The following PAH variants were observed in gnomAD, a reference collection of about 807,000 sequenced individuals.
PAH encodes the protein phenylalanine hydroxylase.
A neutral mutation model predicts 62.0 loss-of-function variants in PAH; 64 were observed. The ratio of observed to expected loss-of-function variants is 1.03; its 90% CI spans 0.84 to 1.27. PAH has a LOEUF of 1.27. Among genes scored for constraint, PAH ranks in the 50% most tolerant of loss-of-function variants. The pLI is 0.00. For missense variants in PAH, 579 were observed against 542.8 expected (o/e 1.07, Z -0.66); for synonymous variants, 195 against 196.2 (o/e 0.99, Z 0.05).
chr12:102,857,470 G>C (rs1875491244), intron 5 of PAH, among the ~76,000 whole-genome samples: 1 of 152,158 alleles, frequency 6.6e-6, no homozygotes, highest in Non-Finnish European at 1.5e-5. Context: ...GAAATACAGA[G>C]AATGCCACAA....
At chr12:102,927,657 C>CA (rs896566939) in intron 1 of PAH, among the ~76,000 whole-genome samples, 16 of 149,434 alleles carry the variant, frequency 1.1e-4, no homozygotes, top group Admixed American at 6.7e-4. Flanking sequence ...GCTGCAGCCA[C>CA]AAAAAAAAAT....
At chr12:102,873,783 G>A (rs2136674770) in intron 4 of PAH, among the ~76,000 whole-genome samples, 1 of 152,310 alleles carries the variant, frequency 6.6e-6, no homozygotes, top group South Asian at 2.1e-4. Flanking sequence ...CCGTGGGTAA[G>A]TAAGTTTTAG....
chr12:102,948,296 G>A (rs1879585485), intron 1 of PAH, among the ~76,000 whole-genome samples: 1 of 152,118 alleles, frequency 6.6e-6, no homozygotes, highest in Non-Finnish European at 1.5e-5. Flanking sequence ...AGAGAGGTAG[G>A]GCAGAAGTGA....
chr12:102,931,099 A>G (rs1346674713), intron 1 of PAH, among the ~76,000 whole-genome samples: 1 of 152,172 alleles, frequency 6.6e-6, no homozygotes, highest in East Asian at 1.9e-4. Flanking sequence ...AATATTATAT[A>G]ATTTACCTGG....
At chr12:102,843,878 C>T (rs1399218605) in intron 10 of PAH, 99 bp from the exon 11 acceptor site, 4 of 1,321,326 alleles carry the variant, frequency 3.0e-6, no homozygotes, top group Non-Finnish European at 4.3e-6. Context: ...CTCATCTCAC[C>T]CCGATTCCTT....
intron 4 of PAH, among the ~76,000 whole-genome samples, chr12:102,868,289 G>A (rs1302036078): frequency 1.3e-5 from 2 of 149,886 alleles, no homozygotes; most frequent in Non-Finnish European, 3.0e-5. Context: ...ATTGATTCTG[G>A]CACACAGGAA....
chr12:102,912,741 T>C (rs1878248091), intron 2 of PAH, 50 bp downstream of exon 2: 2 of 1,263,582 alleles, frequency 1.6e-6, no homozygotes. Context: ...GAAAAGAACA[T>C]GGAAGTTTGC....
At chr12:102,951,497 G>A (rs1001844421), upstream of PAH, among the ~76,000 whole-genome samples, 1 of 152,204 alleles carries the variant, frequency 6.6e-6, no homozygotes, top group Admixed American at 6.5e-5. Flanking sequence ...TTGGAGCCAA[G>A]AGGAACAGAC....
chr12:102,866,463 A>G, intron 5 of PAH, 133 bp downstream of exon 5: 1 of 761,518 alleles, frequency 1.3e-6, no homozygotes, highest in Admixed American at 1.9e-5. Flanking sequence ...ACGCATGCAC[A>G]TGAACACATG....
chr12:102,875,298 C>T (rs1050584194), intron 4 of PAH, among the ~76,000 whole-genome samples: 3 of 152,122 alleles, frequency 2.0e-5, no homozygotes, highest in Non-Finnish European at 4.4e-5. Flanking sequence ...TTGGAGGGGA[C>T]TTGAGGATAC....
rs989506392 is a variant in PAH, at chr12:102,894,899, G to A, written c.188C>T (p.Thr63Ile). 1.9e-6 allele frequency: 3 copies of A among 1,613,534 alleles called. No homozygotes were observed. Among genetic ancestry groups the A allele is most frequent in the Non-Finnish European group, 1.7e-6 (2 of 1,179,710 alleles). The change falls in exon 3 of 13, where the codon ACC (threonine) becomes ATC (isoleucine). Residue 63 changes from threonine (T) to isoleucine (I), a missense_variant. Transcript: ENST00000553106. ...RLFEENDVNL[T>I]HIESRPSRLK... ...ACGAGAAGGTCTAGATTCAATGTGG[G>A]TCAGGTTTACATCATTCTCCTAGAA...
chr12:102,893,712 C>T (rs1877374997), intron 3 of PAH, among the ~76,000 whole-genome samples: 1 of 152,218 alleles, frequency 6.6e-6, no homozygotes, highest in Non-Finnish European at 1.5e-5. Context: ...ACTTGAACCA[C>T]AGTCTATTCA....
chr12:102,843,744 C>T lies in PAH; in HGVS notation c.1101G>A (p.Leu367=), dbSNP rs62508648. Residue 367 remains leucine, a synonymous_variant, in exon 11 of 13, where the codon CTG becomes CTA. Coordinates refer to ENST00000553106, the MANE Select transcript of PAH (RefSeq NM_000277.3). ...CLSEKPKLLP[L]ELEKTAIQNY... ...TTTGGATGGCTGTCTTCTCCAGCTC[C>T]AGGGGGAGAAGCTTTGGCTTCTCTG... 1 of 1,613,498 alleles carries T rather than the reference C, an allele frequency of 6.2e-7. No homozygotes were observed. The highest frequency in any genetic ancestry group is 1.3e-5 in the African/African-American group (1 of 74,848).
At chr12:102,950,294 G>A (rs1044720063) in intron 1 of PAH, 1 of 152,274 alleles carries the variant, frequency 6.6e-6, no homozygotes, top group Non-Finnish European at 1.5e-5. Context: ...GGGAAGAGTG[G>A]TGGGGAGGGA....
intron 2 of PAH, among the ~76,000 whole-genome samples, chr12:102,897,634 C>A (rs979006519): frequency 2.0e-5 from 3 of 151,988 alleles, no homozygotes; most frequent in African/African-American, 7.2e-5. Flanking sequence ...GATGCATTAT[C>A]AGAAAAAAGG....
Position 102,877,563 on chromosome 12 carries a change from G to A in PAH, c.353-13C>T, listed in dbSNP as rs751686788. The A allele has an allele frequency of 1.2e-6, 2 of 1,601,890 alleles. No homozygotes were observed. Among genetic ancestry groups the A allele is most frequent in the South Asian group, 1.1e-5 (1 of 90,828 alleles). On this transcript the variant is annotated splice_polypyrimidine_tract_variant and intron_variant, in intron 3 of 12. Coordinates refer to ENST00000553106, the MANE Select transcript of PAH (RefSeq NM_000277.3). The stretch of plus-strand genomic sequence containing the variant: ...GGGAACCAGGGCACTGAAACACAGA[G>A]AAGGCAACGTCCTGAGTACAGATTG...
chr12:102,898,027 C>T (rs1025910308), intron 2 of PAH, among the ~76,000 whole-genome samples: 1 of 152,192 alleles, frequency 6.6e-6, no homozygotes, highest in African/African-American at 2.4e-5. Context: ...AGCAGCAACA[C>T]TTGGCAAAGT....
intron 1 of PAH, among the ~76,000 whole-genome samples, chr12:102,924,454 A>G (rs1878632131): frequency 6.6e-6 from 1 of 152,172 alleles, no homozygotes; most frequent in South Asian, 2.1e-4. Context: ...GACAATTTCT[A>G]TGGCATTTCT....
intron 3 of PAH, among the ~76,000 whole-genome samples, chr12:102,894,225 C>G (rs1877395403): frequency 6.6e-6 from 1 of 152,078 alleles, no homozygotes; most frequent in Admixed American, 6.5e-5. Flanking sequence ...TGCTTGCTTT[C>G]ATGGGTTTTG....
Sources: allele counts gnomAD v4.1 joint callset (sites outside exome capture counted in the v4.1 genomes callset), GRCh38; gene constraint gnomAD v4.1.1; transcripts MANE v1.5; gene names NCBI Gene and HGNC (gene_info 2026-07-23, HGNC 2026-07-21).